ANKRD53: variants seen among roughly 807,000 people sequenced by gnomAD.
The protein encoded by ANKRD53 is ankyrin repeat domain 53.
Under a neutral mutation model 30.1 loss-of-function variants are expected in ANKRD53, and 27 were observed. The observed-to-expected ratio is 0.90, with a 90% CI of 0.66 to 1.24. ANKRD53 has a LOEUF of 1.24. ANKRD53 is among the 50% of genes most tolerant of loss of function. The pLI, the probability that ANKRD53 is intolerant of heterozygous loss-of-function variation, is 0.00. For synonymous variants in ANKRD53, 286 were observed against 295.4 expected (o/e 0.97, Z 0.33); for missense variants, 682 against 721.0 (o/e 0.95, Z 0.62).
Position 70,984,691 on chromosome 2 carries a change from C to T in ANKRD53, c.984C>T (p.Ser328=). The T allele has an allele frequency of 6.2e-7, 1 of 1,613,954 alleles. No individual in the cohort carries two copies. The highest frequency in any genetic ancestry group is 8.5e-7 in the Non-Finnish European group (1 of 1,179,872). ...GKLHPGHSLV[S]NTKQARATAL... ...TGCACCCAGGCCACTCTCTGGTCTC[C>T]AATACCAAGCAAGCCCGGGCCACCG... The change falls in exon 6 of 6, where the codon TCC becomes TCT. Residue 328 remains serine, a synonymous_variant. Transcript: ENST00000360589.
rs2104864594 is a variant in ANKRD53 at position 70,985,103 on chromosome 2, T to C, written c.1396T>C (p.Tyr466His). 2.6e-6 allele frequency: 4 copies of C among 1,550,984 alleles called. No homozygotes were observed. The East Asian group carries it at 7.3e-5, about 28-fold the overall frequency. Reference sequence around the variant, plus strand: ...CATGCTGTACCCACGTGTATGGCCATACAGAATGAAGGTGCCCCAGGGCTT... The same window carrying C: ...CATGCTGTACCCACGTGTATGGCCACACAGAATGAAGGTGCCCCAGGGCTT... ...LRMLYPRVWPYRMKVPQGFYP... is the reference protein window; with the variant it reads ...LRMLYPRVWPHRMKVPQGFYP... Residue 466 changes from tyrosine to histidine, a missense_variant, in exon 6 of 6, where the codon TAC (tyrosine) becomes CAC (histidine). Tyr to His is a moderately conservative substitution (Grantham distance 83). Transcript: ENST00000360589.
chr2:70,985,474 C>A lies in ANKRD53; in HGVS notation c.*174C>A. 1.6e-6 allele frequency: 1 copy of A among 614,058 alleles called. No individual in the cohort carries two copies. Among genetic ancestry groups the A allele is most frequent in the Non-Finnish European group, 2.7e-6 (1 of 364,502 alleles). 38.0% of individuals were successfully genotyped at this position (614,058 alleles called of 1,614,324 possible). On this transcript the variant is annotated 3_prime_UTR_variant, in exon 6 of 6. Transcript: ENST00000360589. ...AGACCCCAGGCCTCCCTTTTCTCTGCAAATAAATCTCTTGGCACCCCCCCA... is the reference window on the plus strand; with the variant it reads ...AGACCCCAGGCCTCCCTTTTCTCTGAAAATAAATCTCTTGGCACCCCCCCA...
chr2:70,985,215 G>C lies in ANKRD53; in HGVS notation c.1508G>C (p.Arg503Pro). Residue 503 changes from arginine (R) to proline (P), a missense_variant, in exon 6 of 6, where the codon CGT becomes CCT. By Grantham distance (103) the Arg-to-Pro change is moderately radical. Coordinates refer to ENST00000360589, the MANE Select transcript of ANKRD53 (RefSeq NM_001115116.2). ...FWTDTLAMNLRDTFDEAFLAA... is the reference protein window; with the variant it reads ...FWTDTLAMNLPDTFDEAFLAA... ...ACCGACACTCTGGCCATGAACCTGC[G>C]TGACACATTCGATGAAGCCTTCCTG... 6.4e-7 allele frequency: 1 copy of C among 1,551,534 alleles called. No homozygotes were observed. Among genetic ancestry groups the C allele is most frequent in the Non-Finnish European group, 8.7e-7 (1 of 1,147,034 alleles).
At position 70,979,139 on chromosome 2, in the gene ANKRD53, G is replaced by A. The variant is rs782182085; in HGVS notation, c.213G>A (p.Ala71=). The change falls in exon 2 of 6, where the codon GCG becomes GCA. Residue 71 remains alanine, a synonymous_variant. Coordinates refer to ENST00000360589, the MANE Select transcript of ANKRD53 (RefSeq NM_001115116.2). ...PDLADHLSAQ[A]TALARPRRPA... ...TCGCAGACCACCTCAGTGCGCAGGC[G>A]ACTGCCCTCGCCAGGCCGCGCCGCC... The A allele has an allele frequency of 1.2e-6, 2 of 1,608,158 alleles. No individual in the cohort carries two copies. The highest frequency in any genetic ancestry group is 2.2e-5 in the South Asian group (2 of 90,924).
At position 70,985,266 on chromosome 2, in the gene ANKRD53, T is replaced by TCGC; in HGVS notation, c.1560_1561insGCC (p.Leu520_Pro521insAla). The TCGC allele has an allele frequency of 3.2e-6, 5 of 1,544,280 alleles. No homozygotes were observed. Among genetic ancestry groups the TCGC allele is most frequent in the Non-Finnish European group, 4.4e-6 (5 of 1,141,276 alleles). On this transcript the variant is annotated inframe_insertion, in exon 6 of 6. Coordinates refer to ENST00000360589, the MANE Select transcript of ANKRD53 (RefSeq NM_001115116.2). Reference sequence around the variant, plus strand: ...GCAGCTGTGCGATCTCATCAAGGACTCCCCACCCTGCCCTCCCCACAAACC... The same window carrying TCGC: ...GCAGCTGTGCGATCTCATCAAGGACTCGCCCCCACCCTGCCCTCCCCACAAACC...
At chr2:70,983,136 C>T (rs747529800) in intron 5 of ANKRD53, among the ~76,000 whole-genome samples, 20 of 152,312 alleles carry the variant, frequency 1.3e-4, no homozygotes, top group Non-Finnish European at 2.2e-4. Context: ...GTGGTCCCCA[C>T]GCTCAAGGAG....
In ANKRD53 at chr2:70,978,671, G is replaced by C; in HGVS notation, c.26G>C (p.Arg9Pro). Reference sequence around the variant, plus strand: ...ATGGCCTCCGCGGGCAGCACCGCTCGGCGGGCGGGCTCCGGAAGCTGGCAC... The same window carrying C: ...ATGGCCTCCGCGGGCAGCACCGCTCCGCGGGCGGGCTCCGGAAGCTGGCAC... MASAGSTA[R>P]RAGSGSWHSE... The change falls in exon 1 of 6, where the codon CGG becomes CCG. Residue 9 changes from arginine to proline, a missense_variant. Transcript: ENST00000360589. This position sits in a 1 kb window ranked among gnomAD's most constrained non-coding sequence, Gnocchi z 4.3. The C allele has an allele frequency of 2.6e-6, 4 of 1,543,156 alleles. No homozygotes were observed. The highest frequency in any genetic ancestry group is 3.5e-6 in the Non-Finnish European group (4 of 1,144,850).
At chr2:70,983,187 G>C (rs781966648) in intron 5 of ANKRD53, among the ~76,000 whole-genome samples, 3 of 152,218 alleles carry the variant, frequency 2.0e-5, no homozygotes, top group Non-Finnish European at 2.9e-5. Context: ...GGCCCATCAA[G>C]GAGGAGAGGG....
Position 70,985,277 on chromosome 2 carries a change from C to T in ANKRD53, c.1570C>T (p.Pro524Ser), listed in dbSNP as rs1553424674. The change falls in exon 6 of 6, where the codon CCC becomes TCC. Residue 524 changes from proline (P) to serine (S), a missense_variant. Pro to Ser is a moderately conservative substitution (Grantham distance 74). Transcript: ENST00000360589. ...VRSHQGLPTLPSPQTNP is the reference protein window; with the variant it reads ...VRSHQGLPTLSSPQTNP ...ATCTCATCAAGGACTCCCCACCCTG[C>T]CCTCCCCACAAACCAACCCATAAAG... 1.3e-6 allele frequency: 2 copies of T among 1,549,420 alleles called. No individual in the cohort carries two copies. Among genetic ancestry groups the T allele is most frequent in the Non-Finnish European group, 8.7e-7 (1 of 1,146,390 alleles).
chr2:70,984,014 C>A, intron 5 of ANKRD53: 1 of 1,042,572 alleles, frequency 9.6e-7, no homozygotes, highest in Non-Finnish European at 1.5e-6. Context: ...GCCACCGGGC[C>A]TGGAGAGCCA....
intron 2 of ANKRD53, 54 bp from the exon 3 acceptor site, chr2:70,979,607 A>G (rs1669939743): frequency 1.3e-6 from 2 of 1,530,770 alleles, no homozygotes; most frequent in Non-Finnish European, 1.8e-6. Flanking sequence ...TAAATTGTGG[A>G]CCCTGGGACC....
At chr2:70,979,446 T>G in intron 2 of ANKRD53, 103 bp downstream of exon 2, 1 of 1,541,350 alleles carries the variant, frequency 6.5e-7, no homozygotes, top group Non-Finnish European at 8.8e-7. Context: ...TAGATCTTCC[T>G]AATTTAACTC....
In ANKRD53 at chr2:70,982,202, G is replaced by A; in HGVS notation, c.782+102G>A. 7.3e-7 allele frequency: 1 copy of A among 1,371,494 alleles called. No individual in the cohort carries two copies. The highest frequency in any genetic ancestry group is 9.8e-7 in the Non-Finnish European group (1 of 1,024,016). The allele number at this position is 1,371,494 out of a possible 1,614,324, so 85.0% of individuals were successfully genotyped here. A position where few individuals can be genotyped will look rare whatever the true frequency, so the allele number is the denominator to read the frequency against. On this transcript the variant is annotated intron_variant, in intron 4 of 5. Coordinates refer to ENST00000360589, the MANE Select transcript of ANKRD53 (RefSeq NM_001115116.2). The surrounding 1 kb of genome is among the most constrained non-coding windows in gnomAD (Gnocchi z 4.2). ...AGCTGAGCCTTTAAGGGGAGGGTTG[G>A]GAAGCCAGACAGCTGGAGGATGCGC...
At chr2:70,979,438 G>GATCTTCCT in intron 2 of ANKRD53, 95 bp downstream of exon 2, 1 of 1,556,702 alleles carries the variant, frequency 6.4e-7, no homozygotes, top group Non-Finnish European at 8.7e-7. Context: ...TTTCTGGGTA[G>GATCTTCCT]ATCTTCCTAA....
intron 1 of ANKRD53, 74 bp from the exon 2 acceptor site, chr2:70,979,023 G>C: frequency 6.8e-7 from 1 of 1,464,868 alleles, no homozygotes; most frequent in Non-Finnish European, 9.0e-7. Flanking sequence ...CAGCCAGGCG[G>C]GGGCCAGGGA....
intron 3 of ANKRD53, among the ~76,000 whole-genome samples, chr2:70,980,651 A>G (rs564634994): frequency 6.6e-6 from 1 of 152,218 alleles, no homozygotes; most frequent in Admixed American, 6.5e-5. Context: ...AAAATAAAAA[A>G]TAAAAAAAAT....
rs950506276 is a variant in ANKRD53, at chr2:70,982,246, T to C, written c.782+146T>C. On this transcript the variant is annotated intron_variant, in intron 4 of 5. Transcript: ENST00000360589. This position sits in a 1 kb window ranked among gnomAD's most constrained non-coding sequence, Gnocchi z 4.2. ...GATGCGCCTACTGCCCAGGATATTT[T>C]GGATGAGGCAATCACCTCATCACCT... The C allele has an allele frequency of 1.1e-4, 111 of 1,014,840 alleles. 1 individual carries two copies. The highest frequency in any genetic ancestry group is 1.5e-4 in the Non-Finnish European group (105 of 714,932). 62.9% of individuals were successfully genotyped at this position (1,014,840 alleles called of 1,614,324 possible). A position where few individuals can be genotyped will look rare whatever the true frequency, so the allele number is the denominator to read the frequency against.
At position 70,982,469 on chromosome 2, in the gene ANKRD53, G is replaced by A. The variant is rs1433174953; in HGVS notation, c.783-108G>A. On this transcript the variant is annotated intron_variant, in intron 4 of 5. Transcript: ENST00000360589. The surrounding 1 kb of genome is among the most constrained non-coding windows in gnomAD (Gnocchi z 4.2). ...GGCTCATCTTGCTCCTCTCCCTCTG[G>A]CCACTCCCCTCATCCCCATCCAAGC... 6 of 1,487,614 alleles carry A rather than the reference G, an allele frequency of 4.0e-6. No individual in the cohort carries two copies. In the African/African-American group the frequency reaches 8.4e-5, roughly 21 times the overall value. 92.2% of individuals were successfully genotyped at this position (1,487,614 alleles called of 1,614,324 possible). A position where few individuals can be genotyped will look rare whatever the true frequency, so the allele number is the denominator to read the frequency against.
At chr2:70,980,752 T>G (rs910729095) in intron 3 of ANKRD53, among the ~76,000 whole-genome samples, 1 of 152,086 alleles carries the variant, frequency 6.6e-6, no homozygotes, top group African/African-American at 2.4e-5. Context: ...AAGAACATCC[T>G]GGCTAACATG....
Sources: gnomAD v4.1 joint callset for allele counts (sites outside exome capture counted in the v4.1 genomes callset) on GRCh38, gnomAD v4.1.1 for gene constraint, Gnocchi (gnomAD v3.1) non-coding constraint, MANE v1.5 for transcripts, NCBI Gene and HGNC (gene_info 2026-07-23, HGNC 2026-07-21) for gene names.